Variants in SPMIP2 observed in about 807,000 individuals in gnomAD.
SPMIP2 encodes protein SPMIP2.
At chr4:158,985,209 G>A in the SPMIP2 span, among the ~76,000 whole-genome samples, 1 of 143,812 alleles carries the variant, frequency 7.0e-6, no homozygotes, top group Non-Finnish European at 1.5e-5. Flanking sequence ...GAGGTACAAG[G>A]AGGAACTGGT....
chr4:158,983,740 C>A, the SPMIP2 span, among the ~76,000 whole-genome samples: 1 of 64,366 alleles, frequency 1.6e-5, no homozygotes, highest in Non-Finnish European at 3.1e-5. Context: ...CATCAACTAA[C>A]GAGCAAAATA....
At chr4:158,987,973 GATC>G in the SPMIP2 span, among the ~76,000 whole-genome samples, 1 of 151,890 alleles carries the variant, frequency 6.6e-6, no homozygotes, top group Non-Finnish European at 1.5e-5. Flanking sequence ...TTTTTGAAAA[GATC>G]AACAAAATAT....
the SPMIP2 span, among the ~76,000 whole-genome samples, chr4:159,078,519 T>C: frequency 1.3e-5 from 2 of 152,234 alleles, no homozygotes; most frequent in South Asian, 2.1e-4. Flanking sequence ...ATTTTTCATA[T>C]AAGCACTTCA....
the SPMIP2 span, among the ~76,000 whole-genome samples, chr4:158,898,487 A>G: frequency 2.0e-5 from 3 of 152,162 alleles, no homozygotes; most frequent in Non-Finnish European, 4.4e-5. Context: ...ATGTTCTTCC[A>G]TTTATTTGTG....
the SPMIP2 span, among the ~76,000 whole-genome samples, chr4:159,051,064 G>A: frequency 4.0e-5 from 6 of 150,312 alleles, no homozygotes; most frequent in East Asian, 3.9e-4. Context: ...CCAAGATCGC[G>A]CCACTGCACT....
the SPMIP2 span, among the ~76,000 whole-genome samples, chr4:159,000,194 C>T: frequency 6.6e-6 from 1 of 152,100 alleles, no homozygotes; most frequent in East Asian, 1.9e-4. Flanking sequence ...AACAATGAAA[C>T]ATTTTTAGTA....
At chr4:158,924,903 A>G in the SPMIP2 span, among the ~76,000 whole-genome samples, 2 of 152,192 alleles carry the variant, frequency 1.3e-5, no homozygotes, top group African/African-American at 4.8e-5. Context: ...CCTGGGATAG[A>G]TTCCACTTGG....
the SPMIP2 span, among the ~76,000 whole-genome samples, chr4:158,908,369 T>C: frequency 1.3e-5 from 2 of 152,216 alleles, no homozygotes; most frequent in African/African-American, 4.8e-5. Flanking sequence ...AGCCTGTTTA[T>C]AATTAAGCAG....
chr4:158,955,540 G>A, the SPMIP2 span, among the ~76,000 whole-genome samples: 3 of 152,122 alleles, frequency 2.0e-5, no homozygotes, highest in African/African-American at 7.2e-5. Context: ...GGAGTACCTG[G>A]GATCGCAGGC....
chr4:159,037,781 TATATACACACACACAC>T, the SPMIP2 span, among the ~76,000 whole-genome samples: 19 of 118,086 alleles, frequency 1.6e-4, no homozygotes, highest in African/African-American at 5.6e-4. Flanking sequence ...TCAAAAACAA[TATATACACACACACAC>T]ACACACACAC....
the SPMIP2 span, among the ~76,000 whole-genome samples, chr4:159,055,715 T>C: frequency 6.6e-6 from 1 of 150,858 alleles, no homozygotes; most frequent in South Asian, 2.1e-4. Flanking sequence ...GTCTCAAAAA[T>C]AAATAAATAA....
At chr4:158,985,788 A>G in the SPMIP2 span, among the ~76,000 whole-genome samples, 1 of 152,154 alleles carries the variant, frequency 6.6e-6, no homozygotes, top group South Asian at 2.1e-4. Context: ...GGCCAGGGCA[A>G]TTAGGCAGGA....
At chr4:159,035,116 C>T in the SPMIP2 span, 1 of 1,604,510 alleles carries the variant, frequency 6.2e-7, no homozygotes. Flanking sequence ...CTTAACCGTG[C>T]TACTGGATTT....
the SPMIP2 span, among the ~76,000 whole-genome samples, chr4:158,936,551 T>C: frequency 6.6e-6 from 1 of 152,224 alleles, no homozygotes; most frequent in Non-Finnish European, 1.5e-5. Flanking sequence ...CCAAAAGTAC[T>C]AAAAAGCCAT....
At chr4:159,002,570 T>C in the SPMIP2 span, among the ~76,000 whole-genome samples, 5 of 152,174 alleles carry the variant, frequency 3.3e-5, no homozygotes, top group African/African-American at 1.2e-4. Flanking sequence ...CTATGTTTTC[T>C]TTTAGAAGTT....
the SPMIP2 span, among the ~76,000 whole-genome samples, chr4:158,967,689 AC>A: frequency 6.6e-6 from 1 of 152,232 alleles, no homozygotes; most frequent in Non-Finnish European, 1.5e-5. Context: ...CTCTAGATGA[AC>A]CCCAAGGTAA....
chr4:159,016,348 A>G, the SPMIP2 span, among the ~76,000 whole-genome samples: 2 of 152,224 alleles, frequency 1.3e-5, no homozygotes, highest in Non-Finnish European at 2.9e-5. Context: ...TAAAGCTATA[A>G]CCATGAGCCA....
the SPMIP2 span, among the ~76,000 whole-genome samples, chr4:158,972,804 G>A: frequency 3.3e-5 from 5 of 152,182 alleles, no homozygotes; most frequent in East Asian, 1.9e-4. Context: ...AAGTGCCTCA[G>A]CCTGAATGTG....
At chr4:159,041,221 G>A in the SPMIP2 span, among the ~76,000 whole-genome samples, 3 of 152,090 alleles carry the variant, frequency 2.0e-5, no homozygotes, top group Non-Finnish European at 4.4e-5. Context: ...ATTCCCTGCC[G>A]GGCCAATCAA....
Sources: allele counts gnomAD v4.1 joint callset (sites outside exome capture counted in the v4.1 genomes callset), GRCh38; gene constraint gnomAD v4.1.1; transcripts MANE v1.5; gene names NCBI Gene and HGNC (gene_info 2026-07-23, HGNC 2026-07-21).